The following MUC7 variants were observed in gnomAD, a reference collection of about 807,000 sequenced individuals.
MUC7 encodes mucin-7.
MUC7 carries 2 observed loss-of-function variants against 2.5 expected under a neutral mutation model. That is an observed-to-expected ratio of 0.81 (90% CI 0.33 to 2.55). The LOEUF (loss-of-function observed/expected upper bound fraction) is 2.55, where lower values mean the gene tolerates loss of function less well. MUC7 is among the 30% of genes most tolerant of loss of function. The probability of loss-of-function intolerance (pLI) is 0.11; values close to 1 mark genes in which losing one functional copy is unlikely to be tolerated. For missense variants in MUC7, 408 were observed against 455.6 expected (o/e 0.90, Z 0.95); for synonymous variants, 133 against 173.4 (o/e 0.77, Z 1.83).
chr4:70,453,955 G>T (rs1411226657), intron 1 of MUC7, among the ~76,000 whole-genome samples: 1 of 152,118 alleles, frequency 6.6e-6, no homozygotes, highest in Non-Finnish European at 1.5e-5. Context: ...GTAGATCCTA[G>T]AATGGGGGCC....
intron 1 of MUC7, among the ~76,000 whole-genome samples, chr4:70,473,176 C>T (rs41412845): frequency 0.024 from 3,578 of 152,132 alleles, 144 homozygotes; most frequent in African/African-American, 0.081. Flanking sequence ...GGCTCACACC[C>T]GTAATCCCAG....
intron 1 of MUC7, among the ~76,000 whole-genome samples, chr4:70,457,593 AAAGAG>A (rs1172377616): frequency 6.6e-6 from 1 of 152,184 alleles, no homozygotes; most frequent in African/African-American, 2.4e-5. Context: ...AAACCTGTGA[AAAGAG>A]AAGAGGAACC....
In MUC7 at chr4:70,474,092, A is replaced by G. The variant is rs376770754; in HGVS notation, c.54+17A>G. The G allele has an allele frequency of 1.1e-5, 18 of 1,609,552 alleles. No individual in the cohort carries two copies. The African/African-American group carries it at 2.0e-4, about 18-fold the overall frequency. On this transcript the variant is annotated intron_variant, in intron 2 of 2. Coordinates refer to ENST00000304887, the MANE Select transcript of MUC7 (RefSeq NM_152291.3). ...TGCTTCTCGGTAAGTATTCACCCAA[A>G]TAAGTTTTTTCCTTAACTATCAATA...
intron 1 of MUC7, among the ~76,000 whole-genome samples, chr4:70,460,626 C>G (rs981022228): frequency 3.2e-4 from 49 of 151,974 alleles, no homozygotes; most frequent in Admixed American, 3.2e-3. Context: ...TTTCCTTTGT[C>G]CTGGGGGCCA....
intron 2 of MUC7, among the ~76,000 whole-genome samples, chr4:70,475,893 T>TA (rs756087516): frequency 6.6e-6 from 1 of 152,166 alleles, no homozygotes; most frequent in Non-Finnish European, 1.5e-5. Flanking sequence ...ATTTCTCACT[T>TA]ACCTTATAAT....
rs775270784 is a variant in MUC7, at chr4:70,480,985, C to T, written c.241C>T (p.Pro81Ser). 3.1e-6 allele frequency: 5 copies of T among 1,613,844 alleles called. No homozygotes were observed. In the East Asian group the frequency reaches 8.9e-5, roughly 29 times the overall value. ...TAAGCTTCCACCTTCACCTAATAAC[C>T]CCCCCAAATTCCCAAATCCTCACCA... ...RPKLPPSPNNPPKFPNPHQPP... is the reference protein window; with the variant it reads ...RPKLPPSPNNSPKFPNPHQPP... The change falls in exon 3 of 3, where the codon CCC (proline) becomes TCC (serine). Residue 81 changes from proline (P) to serine (S), a missense_variant. Physicochemically the swap from Pro to Ser is moderately conservative, Grantham distance 74. This residue lies in a region of MUC7 where 225 missense variants were observed against 240.5 expected (regional missense o/e 0.94). Coordinates refer to ENST00000304887, the MANE Select transcript of MUC7 (RefSeq NM_152291.3).
chr4:70,471,111 A>C (rs1477629111), upstream of MUC7, among the ~76,000 whole-genome samples: 1 of 152,246 alleles, frequency 6.6e-6, no homozygotes, highest in Non-Finnish European at 1.5e-5. Context: ...TAGAAGTGGA[A>C]TCACACCTTC....
At position 70,481,100 on chromosome 4, in the gene MUC7, C is replaced by T. The variant is rs899946185; in HGVS notation, c.356C>T (p.Ala119Val). The T allele has an allele frequency of 6.2e-6, 10 of 1,614,062 alleles. No homozygotes were observed. The highest frequency in any genetic ancestry group is 8.5e-6 in the Non-Finnish European group (10 of 1,180,046). Residue 119 changes from alanine (A) to valine (V), a missense_variant, in exon 3 of 3, where the codon GCT becomes GTT. This residue lies in a region of MUC7 where 225 missense variants were observed against 240.5 expected (regional missense o/e 0.94). Coordinates refer to ENST00000304887, the MANE Select transcript of MUC7 (RefSeq NM_152291.3). ...ATTCCATCTGTGACTTTCCCATCAG[C>T]TTCCACCAAAATTACTACCCTTCCA... is the stretch of plus-strand genomic sequence containing the variant. ...TQIPSVTFPS[A>V]STKITTLPNV...
At chr4:70,462,279 C>A (rs1734575512) in intron 1 of MUC7, among the ~76,000 whole-genome samples, 2 of 151,618 alleles carry the variant, frequency 1.3e-5, no homozygotes, top group Admixed American at 6.6e-5. Context: ...TAGCAAAAAT[C>A]AAAAATAAAA....
chr4:70,473,782 A>G (rs942673763), intron 1 of MUC7, among the ~76,000 whole-genome samples: 3 of 152,220 alleles, frequency 2.0e-5, no homozygotes, highest in Non-Finnish European at 4.4e-5. Context: ...CAAACTAGTT[A>G]GAATAATTCT....
chr4:70,477,827 C>T (rs41508044), intron 2 of MUC7, among the ~76,000 whole-genome samples: 1,921 of 152,240 alleles, frequency 0.013, 41 homozygotes, highest in African/African-American at 0.044. Flanking sequence ...TAAAGTGTTA[C>T]ATGAAGACTT....
At chr4:70,468,087 C>T (rs967904547), upstream of MUC7, among the ~76,000 whole-genome samples, 1 of 152,170 alleles carries the variant, frequency 6.6e-6, no homozygotes, top group Admixed American at 6.5e-5. Context: ...CCCCGGGATG[C>T]AAGGCTGGTT....
At chr4:70,448,064 AT>A (rs1170863606) in intron 1 of MUC7, among the ~76,000 whole-genome samples, 2 of 152,152 alleles carry the variant, frequency 1.3e-5, no homozygotes, top group African/African-American at 2.4e-5. Context: ...TAACTGGCTT[AT>A]TTCACTTAAC....
intron 1 of MUC7, among the ~76,000 whole-genome samples, chr4:70,451,490 G>T (rs892467068): frequency 2.0e-5 from 3 of 152,160 alleles, no homozygotes; most frequent in Admixed American, 6.5e-5. Flanking sequence ...TTGTTGGGGG[G>T]TTATGATCAG....
chr4:70,472,894 T>C (rs890215217), intron 1 of MUC7, among the ~76,000 whole-genome samples: 3 of 152,230 alleles, frequency 2.0e-5, no homozygotes, highest in Admixed American at 6.5e-5. Context: ...TCTGTCTATA[T>C]GATTTAACCT....
chr4:70,472,947 A>G (rs994752403), intron 1 of MUC7, among the ~76,000 whole-genome samples: 1 of 152,212 alleles, frequency 6.6e-6, no homozygotes, highest in African/African-American at 2.4e-5. Context: ...TGTACACATT[A>G]CATATATAAC....
intron 1 of MUC7, among the ~76,000 whole-genome samples, chr4:70,451,392 G>A (rs1452488166): frequency 1.3e-5 from 2 of 152,150 alleles, no homozygotes; most frequent in African/African-American, 4.8e-5. Flanking sequence ...GTGATATAAA[G>A]ATAAACAAGG....
chr4:70,435,426 T>C (rs1233535821), intron 1 of MUC7, among the ~76,000 whole-genome samples: 1 of 152,248 alleles, frequency 6.6e-6, no homozygotes, highest in Non-Finnish European at 1.5e-5. Context: ...TTAGCTCTTC[T>C]TGTTGAATTG....
chr4:70,457,133 G>A (rs546442916), intron 1 of MUC7, among the ~76,000 whole-genome samples: 8 of 152,272 alleles, frequency 5.3e-5, no homozygotes, highest in Middle Eastern at 3.4e-3. Flanking sequence ...GAACAATGTA[G>A]CCATTTGACT....
Sources: gnomAD v4.1 joint callset for allele counts (sites outside exome capture counted in the v4.1 genomes callset) on GRCh38, gnomAD v4.1.1 for gene constraint, gnomAD v4.1.1 regional missense constraint, MANE v1.5 for transcripts, NCBI Gene and HGNC (gene_info 2026-07-23, HGNC 2026-07-21) for gene names.